ANO1: variants seen among roughly 807,000 people sequenced by gnomAD.
ANO1 encodes the protein anoctamin 1, also known as anoctamin-1.
A neutral mutation model predicts 124.0 loss-of-function variants in ANO1; 59 were observed. That is an observed-to-expected ratio of 0.48 (90% CI 0.39 to 0.59). The LOEUF is 0.59. Among genes scored for constraint, ANO1 ranks in the 20% least tolerant of loss-of-function variants. The pLI is 0.00. For missense variants in ANO1, 1,059 were observed against 1,328.0 expected (o/e 0.80, Z 3.15); for synonymous variants, 529 against 532.0 (o/e 0.99, Z 0.08).
chr11:70,180,711 G>C (rs1057369566), intron 23 of ANO1, among the ~76,000 whole-genome samples: 2 of 152,162 alleles, frequency 1.3e-5, no homozygotes, highest in African/African-American at 4.8e-5. Flanking sequence ...TAGGAGGGAA[G>C]ACAGAGACAG....
intron 1 of ANO1, among the ~76,000 whole-genome samples, chr11:70,060,360 G>A (rs1415472413): frequency 6.6e-6 from 1 of 152,298 alleles, no homozygotes; most frequent in South Asian, 2.1e-4. Context: ...AATTGATTGG[G>A]TTTAGAAGAA....
chr11:70,020,575 CG>C (rs1555002527), intron 1 of ANO1, among the ~76,000 whole-genome samples: 1 of 152,202 alleles, frequency 6.6e-6, no homozygotes, highest in African/African-American at 2.4e-5. Context: ...GGTCACCAGA[CG>C]GGTATTTGTC....
At chr11:70,058,103 G>A (rs1267289217) in intron 1 of ANO1, among the ~76,000 whole-genome samples, 1 of 152,156 alleles carries the variant, frequency 6.6e-6, no homozygotes, top group African/African-American at 2.4e-5. Flanking sequence ...TGTATAGAAT[G>A]ATTGGTGATG....
At chr11:70,009,815 T>G (rs1246386270) in intron 1 of ANO1, among the ~76,000 whole-genome samples, 1 of 152,022 alleles carries the variant, frequency 6.6e-6, no homozygotes, top group Admixed American at 6.5e-5. Flanking sequence ...ACAGGTGGTG[T>G]TTGGTTACAT....
chr11:70,107,900 A>G (rs2045622327), intron 5 of ANO1, among the ~76,000 whole-genome samples: 1 of 152,176 alleles, frequency 6.6e-6, no homozygotes, highest in Non-Finnish European at 1.5e-5. Context: ...CCGCCCCACC[A>G]CCACCACCCC....
intron 1 of ANO1, among the ~76,000 whole-genome samples, chr11:69,993,064 G>C (rs17160523): frequency 6.6e-6 from 1 of 152,032 alleles, no homozygotes; most frequent in African/African-American, 2.4e-5. Flanking sequence ...GCCATGATTC[G>C]TCTGGGCTCT....
At chr11:70,175,285 C>G (rs1211598107) in intron 22 of ANO1, among the ~76,000 whole-genome samples, 3 of 152,266 alleles carry the variant, frequency 2.0e-5, no homozygotes, top group Admixed American at 2.0e-4. Flanking sequence ...CTTCCTGGTT[C>G]CTGTCCGGTT....
chr11:70,185,807 TC>T, intron 25 of ANO1, 112 bp downstream of exon 25: 1 of 1,172,404 alleles, frequency 8.5e-7, no homozygotes, highest in Non-Finnish European at 1.2e-6. Flanking sequence ...CAGAGACTCC[TC>T]CAGAGGCTTG....
At chr11:70,146,243 C>T (rs1358325940) in intron 11 of ANO1, among the ~76,000 whole-genome samples, 1 of 152,234 alleles carries the variant, frequency 6.6e-6, no homozygotes, top group African/African-American at 2.4e-5. Context: ...GCACAGCACT[C>T]AGGCCTCTGA....
chr11:70,166,591 G>A (rs1178139591), intron 20 of ANO1, among the ~76,000 whole-genome samples: 4 of 152,076 alleles, frequency 2.6e-5, no homozygotes, highest in African/African-American at 7.2e-5. Context: ...AGAACTTGTC[G>A]GGCCATTTTC....
At chr11:70,167,476 T>A (rs763106375) in intron 21 of ANO1, 89 bp downstream of exon 21, 5 of 1,495,470 alleles carry the variant, frequency 3.3e-6, no homozygotes, top group Non-Finnish European at 4.5e-6. Flanking sequence ...AGGGGCATGA[T>A]GCCCCCAACC....
At chr11:70,021,881 G>A (rs1243980103) in intron 1 of ANO1, among the ~76,000 whole-genome samples, 3 of 152,150 alleles carry the variant, frequency 2.0e-5, no homozygotes, top group Non-Finnish European at 2.9e-5. Flanking sequence ...CAAAGAGTGC[G>A]CAGAGTATTT....
chr11:70,098,541 A>T (rs568911970), intron 2 of ANO1, among the ~76,000 whole-genome samples: 1 of 152,308 alleles, frequency 6.6e-6, no homozygotes, highest in East Asian at 1.9e-4. Context: ...TGAGGGCCAG[A>T]CATCCATAGT....
intron 1 of ANO1, among the ~76,000 whole-genome samples, chr11:70,081,680 A>G (rs2044205659): frequency 6.6e-6 from 1 of 152,220 alleles, no homozygotes; most frequent in Non-Finnish European, 1.5e-5. Flanking sequence ...AGCGGAAGAA[A>G]CCAGAGCCCA....
chr11:70,140,336 C>T (rs910470821), intron 11 of ANO1, among the ~76,000 whole-genome samples: 2 of 152,080 alleles, frequency 1.3e-5, no homozygotes, highest in Non-Finnish European at 2.9e-5. Context: ...ACAAGACCAG[C>T]CTGGCCAACA....
the ANO1 span, among the ~76,000 whole-genome samples, chr11:69,969,072 G>A: frequency 7.2e-5 from 11 of 152,184 alleles, no homozygotes; most frequent in South Asian, 1.0e-3. Flanking sequence ...GAAGCCAGCC[G>A]TGGTCTTTCT....
chr11:70,042,548 TGAGAGA>T (rs146754285), intron 1 of ANO1, among the ~76,000 whole-genome samples: 3 of 136,336 alleles, frequency 2.2e-5, no homozygotes, highest in East Asian at 2.1e-4. Context: ...ATTGAGAGAT[TGAGAGA>T]GAGAGAGAGA....
chr11:69,983,231 C>A (rs1554996457), upstream of ANO1, among the ~76,000 whole-genome samples: 1 of 152,086 alleles, frequency 6.6e-6, no homozygotes, highest in African/African-American at 2.4e-5. Flanking sequence ...TACCCCCAAG[C>A]CAGGCCCAAG....
the ANO1 span, among the ~76,000 whole-genome samples, chr11:69,970,528 A>G: frequency 1.3e-5 from 2 of 152,192 alleles, no homozygotes; most frequent in African/African-American, 2.4e-5. Context: ...AACTTCACAC[A>G]GGTCTGAAGC....
Sources: gnomAD v4.1 joint callset for allele counts (sites outside exome capture counted in the v4.1 genomes callset) on GRCh38, gnomAD v4.1.1 for gene constraint, MANE v1.5 for transcripts, NCBI Gene and HGNC (gene_info 2026-07-23, HGNC 2026-07-21) for gene names.